Variants in PALM2AKAP2 observed in about 807,000 individuals in gnomAD.
PALM2AKAP2 encodes PALM2-AKAP2 fusion protein.
PALM2AKAP2 carries 37 observed loss-of-function variants against 71.5 expected under a neutral mutation model. The observed-to-expected ratio is 0.52, with a 90% CI of 0.40 to 0.68. PALM2AKAP2 has a LOEUF of 0.68. PALM2AKAP2 is among the 30% of genes least tolerant of loss of function. The pLI, the probability that PALM2AKAP2 is intolerant of heterozygous loss-of-function variation, is 0.00. For missense variants in PALM2AKAP2, 1,224 were observed against 1,191.8 expected, an observed-to-expected ratio of 1.03 and a Z score of -0.40; for synonymous variants, 468 against 478.8, an observed-to-expected ratio of 0.98 and a Z score of 0.29.
intron 1 of PALM2AKAP2, among the ~76,000 whole-genome samples, chr9:109,829,908 C>T (rs970339668): frequency 1.6e-4 from 24 of 152,128 alleles, no homozygotes; most frequent in African/African-American, 4.8e-4. Flanking sequence ...ACAAAAAACA[C>T]AGACAAAGTT....
intron 6 of PALM2AKAP2, among the ~76,000 whole-genome samples, chr9:109,971,200 T>C (rs532677719): frequency 6.6e-6 from 1 of 150,874 alleles, no homozygotes; most frequent in African/African-American, 2.4e-5. Flanking sequence ...CACATAGCAG[T>C]GCTCAGTAAA....
intron 1 of PALM2AKAP2, among the ~76,000 whole-genome samples, chr9:109,710,555 G>T (rs143496057): frequency 1.3e-5 from 2 of 152,166 alleles, no homozygotes; most frequent in South Asian, 4.1e-4. Flanking sequence ...TTTTTCACCT[G>T]CAAGACGGGG....
At chr9:110,095,250 A>T (rs1216584888) in intron 1 of PALM2AKAP2, among the ~76,000 whole-genome samples, 1 of 152,190 alleles carries the variant, frequency 6.6e-6, no homozygotes, top group African/African-American at 2.4e-5. Context: ...GAAAATCCCC[A>T]TGGAGATGTC....
chr9:109,943,311 G>C (rs369583696), intron 6 of PALM2AKAP2: 6 of 1,614,174 alleles, frequency 3.7e-6, no homozygotes, highest in Non-Finnish European at 5.1e-6. Flanking sequence ...CCGGGAGGCC[G>C]GTCTCAGACA....
chr9:110,154,803 A>G (rs2119209307), intron 2 of PALM2AKAP2, among the ~76,000 whole-genome samples: 1 of 152,274 alleles, frequency 6.6e-6, no homozygotes, highest in Admixed American at 6.5e-5. Context: ...TGTAACAGCT[A>G]AATACCTTAA....
chr9:109,905,183 T>C (rs1830419200), intron 3 of PALM2AKAP2, among the ~76,000 whole-genome samples: 1 of 152,266 alleles, frequency 6.6e-6, no homozygotes, highest in African/African-American at 2.4e-5. Context: ...TTTTAAACTT[T>C]AGTTTTAGTT....
At chr9:110,029,682 A>C (rs957165719) in intron 7 of PALM2AKAP2, among the ~76,000 whole-genome samples, 1 of 152,194 alleles carries the variant, frequency 6.6e-6, no homozygotes, top group Non-Finnish European at 1.5e-5. Flanking sequence ...GCAAGTACCA[A>C]AGTCTATGAC....
chr9:109,725,059 A>G (rs1587883577), intron 1 of PALM2AKAP2, among the ~76,000 whole-genome samples: 1 of 152,220 alleles, frequency 6.6e-6, no homozygotes, highest in Non-Finnish European at 1.5e-5. Context: ...CAAATGGCCA[A>G]TAAACATATA....
rs1453605779 is a variant in PALM2AKAP2, at chr9:110,035,659, AG to A, written c.582+19622del. ...GTTGTGTGTTATATATAACATATAT[AG>A]GATATGTTGTGTGTTATATATAACA... On this transcript the variant is annotated intron_variant, in intron 7 of 9. Coordinates refer to the PALM2AKAP2 transcript ENST00000302798. Among the ~76,000 whole-genome samples, 460 of 124,482 alleles carry A rather than the reference AG, an allele frequency of 3.7e-3. 3 individuals carry two copies. Among genetic ancestry groups the A allele is most frequent in the African/African-American group, 0.014 (438 of 31,386 alleles). 81.7% of individuals were successfully genotyped at this position (124,482 alleles called of 152,430 possible).
chr9:110,138,908 G>A (rs1835962467), intron 2 of PALM2AKAP2, among the ~76,000 whole-genome samples: 1 of 152,218 alleles, frequency 6.6e-6, no homozygotes, highest in Non-Finnish European at 1.5e-5. Context: ...GACTATGTTG[G>A]AATCAGTAGC....
At chr9:109,865,219 C>T (rs538350996) in intron 1 of PALM2AKAP2, among the ~76,000 whole-genome samples, 1 of 149,436 alleles carries the variant, frequency 6.7e-6, no homozygotes, top group East Asian at 2.0e-4. Flanking sequence ...CTGCCTTAGC[C>T]TCCCAAGTAT....
At chr9:109,839,798 A>C (rs556588055) in intron 1 of PALM2AKAP2, among the ~76,000 whole-genome samples, 1 of 152,320 alleles carries the variant, frequency 6.6e-6, no homozygotes, top group South Asian at 2.1e-4. Context: ...CTAAGAATCC[A>C]ACTTACAAGG....
At position 109,663,078 on chromosome 9, in the gene PALM2AKAP2, CCTTT is replaced by C. The variant is rs1392046577; in HGVS notation, c.5+22216_5+22219del. Reference sequence around the variant, plus strand: ...CTCTCCTTGTATTTGATTCTTCTCTCCTTTCTTCTTTATTAGTTTGGCTAGCGGT... The same window carrying C: ...CTCTCCTTGTATTTGATTCTTCTCTCCTTCTTTATTAGTTTGGCTAGCGGT... On this transcript the variant is annotated intron_variant, in intron 1 of 6. Transcript: ENST00000374531. Among the ~76,000 whole-genome samples, 4 of 151,896 alleles carry C rather than the reference CCTTT, an allele frequency of 2.6e-5. No homozygotes were observed. The East Asian group carries it at 7.7e-4, about 29-fold the overall frequency.
At chr9:110,115,808 C>T (rs890864759) in intron 1 of PALM2AKAP2, among the ~76,000 whole-genome samples, 4 of 152,140 alleles carry the variant, frequency 2.6e-5, no homozygotes, top group Non-Finnish European at 5.9e-5. Context: ...CACCAGTTTC[C>T]CTGCAATCAA....
chr9:109,898,026 CTTACAG>C (rs1830243609), intron 3 of PALM2AKAP2, among the ~76,000 whole-genome samples: 1 of 152,292 alleles, frequency 6.6e-6, no homozygotes, highest in African/African-American at 2.4e-5. Context: ...ACCAAGAAGA[CTTACAG>C]TTAAAGAGGG....
chr9:109,840,287 T>C (rs1241762854), intron 1 of PALM2AKAP2, among the ~76,000 whole-genome samples: 1 of 152,154 alleles, frequency 6.6e-6, no homozygotes, highest in Non-Finnish European at 1.5e-5. Context: ...ATTTAATAAA[T>C]GATGCTGGGA....
chr9:109,717,727 G>A (rs1354767408), intron 1 of PALM2AKAP2, among the ~76,000 whole-genome samples: 2 of 152,234 alleles, frequency 1.3e-5, no homozygotes, highest in Non-Finnish European at 1.5e-5. Flanking sequence ...CTTTCCCTGA[G>A]GAGAGCTTGC....
chr9:109,926,505 G>A (rs927033968), intron 5 of PALM2AKAP2, among the ~76,000 whole-genome samples: 8 of 152,114 alleles, frequency 5.3e-5, no homozygotes, highest in African/African-American at 1.4e-4. Flanking sequence ...CACGGATTGA[G>A]GAAGTGGCCT....
intron 6 of PALM2AKAP2, among the ~76,000 whole-genome samples, chr9:109,950,292 C>CA (rs539292920): frequency 0.012 from 1,713 of 137,448 alleles, 7 homozygotes; most frequent in African/African-American, 0.015. Context: ...GACTCTGTCT[C>CA]AAAAAAAAAA....
Sources: gnomAD v4.1 joint callset for allele counts (sites outside exome capture counted in the v4.1 genomes callset) on GRCh38, gnomAD v4.1.1 for gene constraint, MANE v1.5 for transcripts, NCBI Gene and HGNC (gene_info 2026-07-23, HGNC 2026-07-21) for gene names.